The following ENOX1 variants were observed in gnomAD, a reference collection of about 807,000 sequenced individuals.
The protein encoded by ENOX1 is ecto-NOX disulfide-thiol exchanger 1, also known as candidate growth-related and time keeping constitutive hydroquinone (NADH) oxidase.
In ENOX1, 42 loss-of-function variants were observed where a neutral mutation model predicts 82.5. That is an observed-to-expected ratio of 0.51 (90% CI 0.40 to 0.66). The LOEUF is 0.66. Among genes scored for constraint, ENOX1 ranks in the 30% least tolerant of loss-of-function variants. The probability of loss-of-function intolerance (pLI) is 0.00; values close to 1 mark genes in which losing one functional copy is unlikely to be tolerated. For synonymous variants in ENOX1, 271 were observed against 282.2 expected, an observed-to-expected ratio of 0.96 and a Z score of 0.40; for missense variants, 608 against 811.6, an observed-to-expected ratio of 0.75 and a Z score of 3.05.
At position 43,706,976 on chromosome 13, in the gene ENOX1, C is replaced by T. The variant is rs887142632; in HGVS notation, c.-284-39432G>A. Among the ~76,000 whole-genome samples, 11 of 151,914 alleles carry T rather than the reference C, an allele frequency of 7.2e-5. No homozygotes were observed. In the South Asian group the frequency reaches 1.0e-3, roughly 14 times the overall value. Reference sequence around the variant, plus strand: ...TGTTTTTTGCCCCCACCCTCACTCCCGACCCAGACAACATGGTTGCTTACA... The same window carrying T: ...TGTTTTTTGCCCCCACCCTCACTCCTGACCCAGACAACATGGTTGCTTACA... On this transcript the variant is annotated intron_variant, in intron 1 of 16. Coordinates refer to ENST00000690772, the MANE Select transcript of ENOX1 (RefSeq NM_001347969.2).
At chr13:43,403,875 G>A (rs1169692499) in intron 5 of ENOX1, among the ~76,000 whole-genome samples, 1 of 151,938 alleles carries the variant, frequency 6.6e-6, no homozygotes, top group Non-Finnish European at 1.5e-5. Flanking sequence ...GAAAGAAAAA[G>A]AAACAAAAGA....
At chr13:43,670,674 T>C (rs538867363) in intron 1 of ENOX1, among the ~76,000 whole-genome samples, 1 of 152,144 alleles carries the variant, frequency 6.6e-6, no homozygotes, top group East Asian at 1.9e-4. Context: ...GCCAACATGA[T>C]GAAACCCCAC....
chr13:43,606,761 G>C (rs775371740), intron 2 of ENOX1, among the ~76,000 whole-genome samples: 1 of 152,028 alleles, frequency 6.6e-6, no homozygotes, highest in Non-Finnish European at 1.5e-5. Context: ...CAGGCCTGTA[G>C]TCCCAGAACT....
intron 14 of ENOX1, among the ~76,000 whole-genome samples, chr13:43,254,856 C>T (rs1393454661): frequency 6.6e-6 from 1 of 152,106 alleles, no homozygotes; most frequent in Non-Finnish European, 1.5e-5. Context: ...AAAATCTGAA[C>T]ATACCAGTAA....
At chr13:43,581,801 C>T (rs2080755563) in intron 2 of ENOX1, among the ~76,000 whole-genome samples, 1 of 152,082 alleles carries the variant, frequency 6.6e-6, no homozygotes, top group African/African-American at 2.4e-5. Flanking sequence ...AAAATGTCAA[C>T]ATGGGGATAC....
At chr13:43,541,690 C>A (rs1415837954) in intron 2 of ENOX1, among the ~76,000 whole-genome samples, 1 of 152,172 alleles carries the variant, frequency 6.6e-6, no homozygotes, top group Non-Finnish European at 1.5e-5. Context: ...ATAGGCAGTC[C>A]TTGCAAAACA....
At chr13:43,576,351 G>A (rs1366502691) in intron 2 of ENOX1, among the ~76,000 whole-genome samples, 3 of 152,166 alleles carry the variant, frequency 2.0e-5, no homozygotes, top group Non-Finnish European at 4.4e-5. Context: ...CACAGCTGAC[G>A]AGGAAATTAG....
At chr13:43,570,630 C>T (rs549849042) in intron 2 of ENOX1, among the ~76,000 whole-genome samples, 55 of 152,214 alleles carry the variant, frequency 3.6e-4, no homozygotes, top group African/African-American at 1.2e-3. Flanking sequence ...AGCACGACAT[C>T]GAGAGCAATT....
At chr13:43,536,628 A>G (rs755794872) in intron 2 of ENOX1, among the ~76,000 whole-genome samples, 39 of 152,202 alleles carry the variant, frequency 2.6e-4, no homozygotes, top group Non-Finnish European at 4.9e-4. Context: ...AACCAGAATG[A>G]TAAAGGAGGC....
At chr13:43,432,424 T>A (rs1469063862) in intron 3 of ENOX1, among the ~76,000 whole-genome samples, 2 of 152,054 alleles carry the variant, frequency 1.3e-5, no homozygotes, top group Non-Finnish European at 2.9e-5. Flanking sequence ...GTGGATCAAT[T>A]TGACGCCAGT....
At chr13:43,371,046 ACTT>A (rs1472526269) in intron 5 of ENOX1, among the ~76,000 whole-genome samples, 1 of 152,022 alleles carries the variant, frequency 6.6e-6, no homozygotes. Flanking sequence ...CTTCTTTCAG[ACTT>A]CTTTTCACAT....
intron 2 of ENOX1, among the ~76,000 whole-genome samples, chr13:43,601,352 A>T (rs2081712688): frequency 6.6e-6 from 1 of 152,152 alleles, no homozygotes; most frequent in Non-Finnish European, 1.5e-5. Flanking sequence ...ATAATTAAAA[A>T]GAATCAAGAA....
At chr13:43,630,417 G>GT (rs968385432) in intron 2 of ENOX1, among the ~76,000 whole-genome samples, 8 of 152,010 alleles carry the variant, frequency 5.3e-5, no homozygotes, top group African/African-American at 7.2e-5. Flanking sequence ...TAAGACAGCA[G>GT]TAACTAGGAA....
chr13:43,493,589 T>C (rs2076695076), intron 2 of ENOX1, among the ~76,000 whole-genome samples: 1 of 152,208 alleles, frequency 6.6e-6, no homozygotes, highest in African/African-American at 2.4e-5. Flanking sequence ...GATTGGATAG[T>C]AACCACCCAC....
intron 1 of ENOX1, among the ~76,000 whole-genome samples, chr13:43,677,869 T>G (rs1325140567): frequency 1.3e-5 from 2 of 152,188 alleles, no homozygotes; most frequent in Admixed American, 1.3e-4. Context: ...AGTCTATTTC[T>G]TGTTATTTTT....
chr13:43,379,093 A>T (rs796905803), intron 5 of ENOX1, among the ~76,000 whole-genome samples: 14 of 152,270 alleles, frequency 9.2e-5, no homozygotes, highest in African/African-American at 3.4e-4. Flanking sequence ...AAAAGGCAAA[A>T]AAACAGATTC....
intron 2 of ENOX1, among the ~76,000 whole-genome samples, chr13:43,583,850 A>G (rs1227441002): frequency 2.7e-5 from 4 of 148,992 alleles, no homozygotes; most frequent in Non-Finnish European, 5.9e-5. Flanking sequence ...GGTAAGGGCC[A>G]TGTCTTATGT....
At chr13:43,465,059 A>G (rs2057659089) in intron 3 of ENOX1, among the ~76,000 whole-genome samples, 1 of 152,170 alleles carries the variant, frequency 6.6e-6, no homozygotes. Context: ...CATCAGCCTG[A>G]TTTATCATGG....
intron 3 of ENOX1, among the ~76,000 whole-genome samples, chr13:43,449,821 T>C (rs1332899052): frequency 6.6e-6 from 1 of 152,110 alleles, no homozygotes; most frequent in Admixed American, 6.6e-5. Flanking sequence ...TAAATGCAAA[T>C]GTGGGAAGGG....
Sources: gnomAD v4.1 joint callset for allele counts (sites outside exome capture counted in the v4.1 genomes callset) on GRCh38, gnomAD v4.1.1 for gene constraint, MANE v1.5 for transcripts, NCBI Gene and HGNC (gene_info 2026-07-23, HGNC 2026-07-21) for gene names.